FHIT: variants seen among roughly 807,000 people sequenced by gnomAD.
FHIT encodes the protein bis(5'-adenosyl)-triphosphatase.
A neutral mutation model predicts 17.9 loss-of-function variants in FHIT; 19 were observed. The observed-to-expected ratio is 1.06, with a 90% CI of 0.74 to 1.56. The LOEUF is 1.56. FHIT is among the 40% of genes most tolerant of loss of function. The probability of loss-of-function intolerance (pLI) is 0.00; values close to 1 mark genes in which losing one functional copy is unlikely to be tolerated. For missense variants in FHIT, 248 were observed against 189.2 expected (o/e 1.31, Z -1.82); for synonymous variants, 81 against 69.7 (o/e 1.16, Z -0.81).
At chr3:59,878,002 T>C (rs55912826) in intron 8 of FHIT, among the ~76,000 whole-genome samples, 3,325 of 152,284 alleles carry the variant, frequency 0.022, 47 homozygotes, top group South Asian at 0.064. Context: ...CAACTCTTCA[T>C]TGGAATAAAT....
At chr3:60,822,829 C>T (rs906030316) in intron 3 of FHIT, among the ~76,000 whole-genome samples, 2 of 152,130 alleles carry the variant, frequency 1.3e-5, no homozygotes, top group Non-Finnish European at 2.9e-5. Context: ...TGAGACCTTG[C>T]TGCTCATAAA....
intron 2 of FHIT, among the ~76,000 whole-genome samples, chr3:61,155,039 A>G (rs1168212251): frequency 6.6e-6 from 1 of 152,208 alleles, no homozygotes; most frequent in Non-Finnish European, 1.5e-5. Flanking sequence ...CGCTCTCTTC[A>G]GGAAGGTTCT....
Position 60,399,712 on chromosome 3 carries a change from T to A in FHIT, c.103+137148A>T, listed in dbSNP as rs548186267. Reference sequence around the variant, plus strand: ...CCCTCTAGACTATAATAAACAAAAATACAAAGTAGGACACCATTTTCAACA... The same window carrying A: ...CCCTCTAGACTATAATAAACAAAAAAACAAAGTAGGACACCATTTTCAACA... On this transcript the variant is annotated intron_variant, in intron 5 of 9. Transcript: ENST00000492590. 3.9e-5 allele frequency among the ~76,000 whole-genome samples: 6 copies of A among 152,234 alleles called. No homozygotes were observed. The South Asian group carries it at 1.2e-3, about 32-fold the overall frequency.
intron 5 of FHIT, among the ~76,000 whole-genome samples, chr3:60,165,357 A>G (rs1701124261): frequency 6.6e-6 from 1 of 152,216 alleles, no homozygotes; most frequent in African/African-American, 2.4e-5. Context: ...CAGTGCCTTC[A>G]GCGCAACTGT....
intron 8 of FHIT, among the ~76,000 whole-genome samples, chr3:59,849,349 G>A (rs1701843959): frequency 6.6e-6 from 1 of 151,978 alleles, no homozygotes; most frequent in Non-Finnish European, 1.5e-5. Flanking sequence ...CTCCAGCCTG[G>A]GTGACAGAAT....
chr3:59,922,238 G>A, intron 8 of FHIT, 108 bp downstream of exon 8: 1 of 1,009,400 alleles, frequency 9.9e-7, no homozygotes, highest in South Asian at 1.4e-5. Context: ...TGGCTAAATA[G>A]AATTCCATTT....
intron 5 of FHIT, among the ~76,000 whole-genome samples, chr3:60,485,009 T>C (rs2033774944): frequency 6.6e-6 from 1 of 152,116 alleles, no homozygotes; most frequent in Non-Finnish European, 1.5e-5. Flanking sequence ...AACAGACATT[T>C]CTTAAAAGGA....
At chr3:60,871,836 T>C (rs978776713) in intron 3 of FHIT, among the ~76,000 whole-genome samples, 1 of 152,020 alleles carries the variant, frequency 6.6e-6, no homozygotes, top group African/African-American at 2.4e-5. Context: ...TTTATTTATT[T>C]ATTTTTTGTA....
At position 59,965,909 on chromosome 3, in the gene FHIT, C is replaced by T. The variant is rs529288123; in HGVS notation, c.280-43495G>A. On this transcript the variant is annotated intron_variant, in intron 7 of 9. Transcript: ENST00000492590. ...CAAATCAAACTGGCTGCTAAGAGAA[C>T]TGATGACCAAGACAGACTGGGAAAT... Among the ~76,000 whole-genome samples the T allele has an allele frequency of 1.5e-4, 23 of 152,272 alleles. No individual in the cohort carries two copies. The East Asian group carries it at 1.5e-3, about 10-fold the overall frequency.
In FHIT at chr3:60,142,391, T is replaced by A. The variant is rs1054056019; in HGVS notation, c.104-128239A>T. The stretch of plus-strand genomic sequence containing the variant: ...ACTACTATATTATTTGTAACCTTAC[T>A]TACCGGGTCAAGGGCTAATAGTGGT... On this transcript the variant is annotated intron_variant, in intron 5 of 9. Coordinates refer to ENST00000492590, the MANE Select transcript of FHIT (RefSeq NM_002012.4). Among the ~76,000 whole-genome samples, 26 of 152,340 alleles carry A rather than the reference T, an allele frequency of 1.7e-4. 1 individual carries two copies. The highest frequency in any genetic ancestry group is 1.2e-3 in the Admixed American group (18 of 15,306).
intron 5 of FHIT, among the ~76,000 whole-genome samples, chr3:60,096,270 G>C (rs1457517245): frequency 6.6e-6 from 1 of 151,478 alleles, no homozygotes; most frequent in East Asian, 1.9e-4. Flanking sequence ...TTTCAGCAGA[G>C]TGGGGATGCA....
intron 5 of FHIT, among the ~76,000 whole-genome samples, chr3:60,090,473 G>T (rs1308009923): frequency 6.6e-6 from 1 of 152,146 alleles, no homozygotes; most frequent in Non-Finnish European, 1.5e-5. Flanking sequence ...CAAGTGAGCT[G>T]GGAGCATTTT....
chr3:60,362,056 G>C (rs1699927643), intron 5 of FHIT, among the ~76,000 whole-genome samples: 1 of 144,088 alleles, frequency 6.9e-6, no homozygotes, highest in Non-Finnish European at 1.5e-5. Context: ...TTAAATCTCA[G>C]TGTTTAATAC....
intron 8 of FHIT, among the ~76,000 whole-genome samples, chr3:59,854,283 G>A (rs781063427): frequency 3.9e-5 from 6 of 152,098 alleles, no homozygotes; most frequent in Non-Finnish European, 7.4e-5. Flanking sequence ...AGCATTCCAG[G>A]GGGAAGAACC....
At chr3:59,995,971 T>C (rs552449630) in intron 7 of FHIT, among the ~76,000 whole-genome samples, 102 of 152,084 alleles carry the variant, frequency 6.7e-4, no homozygotes, top group African/African-American at 2.3e-3. Flanking sequence ...AAAACTACTA[T>C]AGATGAAGAA....
intron 5 of FHIT, among the ~76,000 whole-genome samples, chr3:60,123,997 TATATATATATATAGAGAGAGAGAGAGAG>T (rs1370202298): frequency 3.8e-3 from 130 of 33,926 alleles, no homozygotes; most frequent in African/African-American, 0.013. Flanking sequence ...TATATATATA[TATATATATATATAGAGAGAGAGAGAGAG>T]AGAGAGAGAG....
intron 5 of FHIT, among the ~76,000 whole-genome samples, chr3:60,137,178 G>A (rs912343123): frequency 1.3e-5 from 2 of 152,070 alleles, no homozygotes; most frequent in Non-Finnish European, 2.9e-5. Flanking sequence ...TTTTCCCAAC[G>A]GTACCTCGCC....
intron 4 of FHIT, among the ~76,000 whole-genome samples, chr3:60,645,028 T>C (rs1290975266): frequency 2.6e-5 from 4 of 152,114 alleles, no homozygotes; most frequent in African/African-American, 9.7e-5. Flanking sequence ...TGTTGGGTTC[T>C]TTTCTCAAAC....
At chr3:60,958,610 C>G (rs1709279443) in intron 3 of FHIT, among the ~76,000 whole-genome samples, 1 of 152,160 alleles carries the variant, frequency 6.6e-6, no homozygotes, top group African/African-American at 2.4e-5. Context: ...GACTGCCATT[C>G]CAGGTCTTTG....
Sources: gnomAD v4.1 joint callset for allele counts (sites outside exome capture counted in the v4.1 genomes callset) on GRCh38, gnomAD v4.1.1 for gene constraint, MANE v1.5 for transcripts, NCBI Gene and HGNC (gene_info 2026-07-23, HGNC 2026-07-21) for gene names.